ZNF738: variants seen among roughly 807,000 people sequenced by gnomAD.
The protein encoded by ZNF738 is zinc finger protein 738, also known as protein ZNF738.
ZNF738 carries 10 observed loss-of-function variants against 9.2 expected under a neutral mutation model. That is an observed-to-expected ratio of 1.09 (90% CI 0.67 to 1.85). ZNF738 has a LOEUF of 1.85. ZNF738 is among the 40% of genes most tolerant of loss of function. The pLI, the probability that ZNF738 is intolerant of heterozygous loss-of-function variation, is 0.00. For synonymous variants in ZNF738, 113 were observed against 94.5 expected, an observed-to-expected ratio of 1.20 and a Z score of -1.14; for missense variants, 346 against 283.6, an observed-to-expected ratio of 1.22 and a Z score of -1.58.
chr19:21,369,157 A>C (rs759633057), intron 2 of ZNF738, among the ~76,000 whole-genome samples: 5 of 152,322 alleles, frequency 3.3e-5, no homozygotes, highest in Middle Eastern at 3.4e-3. Context: ...GATGGAATGC[A>C]GTGGTGTGAT....
At position 21,386,852 on chromosome 19, in the gene ZNF738, C is replaced by T. The variant is rs759965601; in HGVS notation, c.*3178C>T. Among the ~76,000 whole-genome samples, 5 of 152,066 alleles carry T rather than the reference C, an allele frequency of 3.3e-5. No homozygotes were observed. Among genetic ancestry groups the T allele is most frequent in the Non-Finnish European group, 5.9e-5 (4 of 68,016 alleles). ...CCTCCCGAGTAGCTGGGATTACAGG[C>T]ATGCACCACTATACCCATCTAATTT... On this transcript the variant is annotated 3_prime_UTR_variant, in exon 5 of 5. Coordinates refer to ENST00000683779, the MANE Select transcript of ZNF738 (RefSeq NM_001355237.2).
chr19:21,370,185 T>A (rs924371147), intron 2 of ZNF738, among the ~76,000 whole-genome samples: 10 of 152,334 alleles, frequency 6.6e-5, no homozygotes, highest in Non-Finnish European at 1.2e-4. Flanking sequence ...ACATGATGAG[T>A]AACATTTATT....
At chr19:21,377,512 GCA>G (rs112058265) in intron 4 of ZNF738, 8,365 of 517,550 alleles carry the variant, frequency 0.016, 1 homozygote, top group East Asian at 0.033. Context: ...ACACAGACGT[GCA>G]CACACACACA....
chr19:21,381,853 G>A (rs1599720330), intron 4 of ZNF738: 1 of 277,520 alleles, frequency 3.6e-6, no homozygotes, highest in Non-Finnish European at 7.3e-6. Context: ...GGGTGAGGGC[G>A]GCCTGGGTGG....
Position 21,385,657 on chromosome 19 carries a change from A to G in ZNF738, c.*1983A>G, listed in dbSNP as rs1797610733. ...GTACTCATGCCTTACTGCACATAAG[A>G]TAATTCATACTGGAGAGAAACTCTA... On this transcript the variant is annotated 3_prime_UTR_variant, in exon 5 of 5. Transcript: ENST00000683779. Among the ~76,000 whole-genome samples the G allele has an allele frequency of 6.6e-6, 1 of 152,192 alleles. No individual in the cohort carries two copies. Among genetic ancestry groups the G allele is most frequent in the South Asian group, 2.1e-4 (1 of 4,830 alleles).
rs1443889750 is a variant in ZNF738 at position 21,383,365 on chromosome 19, A to G, written c.819A>G (p.Thr273=). 9 of 1,050,756 alleles carry G rather than the reference A, an allele frequency of 8.6e-6. No homozygotes were observed. In the African/African-American group the frequency reaches 1.4e-4, roughly 17 times the overall value. 65.1% of individuals were successfully genotyped at this position (1,050,756 alleles called of 1,614,324 possible). The change falls in exon 5 of 5, where the codon ACA becomes ACG. Residue 273 remains threonine (T), a synonymous_variant. Coordinates refer to ENST00000683779, the MANE Select transcript of ZNF738 (RefSeq NM_001355237.2). ...GTGGAAAAGGTTTTAACCACTCCAC[A>G]ACTCTTACTAGACATAAGGTAATTC... ...EECGKGFNHS[T]TLTRHKVIHA... is the part of the protein sequence containing the mutation.
In ZNF738 at chr19:21,361,130, G is replaced by GGTTTTTTTGTTT. The variant is rs1973684967; in HGVS notation, c.4-628_4-617dup. 2.0e-5 allele frequency among the ~76,000 whole-genome samples: 3 copies of GGTTTTTTTGTTT among 149,162 alleles called. 1 individual carries two copies. In the South Asian group the frequency reaches 6.4e-4, roughly 32 times the overall value. ...CGCCCTGCATAAATGGTGTTTTGGG[G>GGTTTTTTTGTTT]GTTTTTTTGTTTGTTTTTTGTTTTG... On this transcript the variant is annotated intron_variant, in intron 1 of 4. Transcript: ENST00000683779.
At chr19:21,375,743 C>T in intron 3 of ZNF738, 126 bp from the exon 4 acceptor site, 1 of 487,582 alleles carries the variant, frequency 2.1e-6, no homozygotes, top group East Asian at 3.4e-5. Flanking sequence ...AACTTTCTGT[C>T]ATTAAATAGT....
At chr19:21,368,658 A>G (rs1282604896) in intron 2 of ZNF738, among the ~76,000 whole-genome samples, 4 of 151,700 alleles carry the variant, frequency 2.6e-5, no homozygotes, top group Non-Finnish European at 4.4e-5. Flanking sequence ...GGGTTTCACC[A>G]TGTTGCTCAG....
chr19:21,361,549 T>C (rs918324476), intron 1 of ZNF738, among the ~76,000 whole-genome samples: 1 of 152,260 alleles, frequency 6.6e-6, no homozygotes, highest in African/African-American at 2.4e-5. Context: ...GTGTGTCTTT[T>C]CCTTTTATCT....
chr19:21,361,884 T>A, intron 2 of ZNF738, 26 bp downstream of exon 2: 1 of 764,890 alleles, frequency 1.3e-6, no homozygotes, highest in Non-Finnish European at 2.4e-6. Context: ...GTTAAAATTG[T>A]CTTTGGGACC....
Position 21,383,502 on chromosome 19 carries a change from A to G in ZNF738, c.956A>G (p.Glu319Gly), listed in dbSNP as rs183182806. ...IHAGEKPYKCEGCGKAFCQFS... is the reference protein window; with the variant it reads ...IHAGEKPYKCGGCGKAFCQFS... ...GCTGGAGAGAAACCCTACAAATGTG[A>G]AGGATGTGGCAAAGCTTTCTGCCAA... The change falls in exon 5 of 5, where the codon GAA (glutamate) becomes GGA (glycine). Residue 319 changes from glutamate (E) to glycine (G), a missense_variant. Physicochemically the swap from Glu to Gly is moderately conservative, Grantham distance 98 (BLOSUM62 -2). Coordinates refer to ENST00000683779, the MANE Select transcript of ZNF738 (RefSeq NM_001355237.2). 8,028 of 853,534 alleles carry G rather than the reference A, an allele frequency of 9.4e-3. 64 individuals are homozygous for G. Among genetic ancestry groups the G allele is most frequent in the South Asian group, 0.016 (1,200 of 75,900 alleles). The allele number at this position is 853,534 out of a possible 1,614,324, so 52.9% of individuals were successfully genotyped here. A position where few individuals can be genotyped will look rare whatever the true frequency, so the allele number is the denominator to read the frequency against.
intron 4 of ZNF738, among the ~76,000 whole-genome samples, chr19:21,382,641 T>C (rs927661569): frequency 6.6e-6 from 1 of 152,210 alleles, no homozygotes; most frequent in Admixed American, 6.5e-5. Context: ...TGCATTGTGC[T>C]CACTTGGGGT....
In ZNF738 at chr19:21,383,745, A is replaced by T; in HGVS notation, c.*71A>T. ...ATAATTCATACTGAAGAGAAACCCT[A>T]CAAATGTGAGGAATGTGGCAAAGCT... is the stretch of plus-strand genomic sequence containing the variant. On this transcript the variant is annotated 3_prime_UTR_variant, in exon 5 of 5. Coordinates refer to ENST00000683779, the MANE Select transcript of ZNF738 (RefSeq NM_001355237.2). 2 of 1,112,520 alleles carry T rather than the reference A, an allele frequency of 1.8e-6. No homozygotes were observed. The highest frequency in any genetic ancestry group is 2.7e-6 in the Non-Finnish European group (2 of 733,260). 68.9% of individuals were successfully genotyped at this position (1,112,520 alleles called of 1,614,324 possible). A position where few individuals can be genotyped will look rare whatever the true frequency, so the allele number is the denominator to read the frequency against.
intron 2 of ZNF738, among the ~76,000 whole-genome samples, chr19:21,374,969 A>C (rs1973906326): frequency 6.6e-6 from 1 of 152,214 alleles, no homozygotes; most frequent in Non-Finnish European, 1.5e-5. Flanking sequence ...TAAAAAATAT[A>C]CATGTTTGTG....
intron 4 of ZNF738, among the ~76,000 whole-genome samples, chr19:21,377,082 C>T (rs954987317): frequency 2.6e-5 from 4 of 151,992 alleles, no homozygotes; most frequent in South Asian, 2.1e-4. Flanking sequence ...CCGAGGCGAG[C>T]GGATCATCTG....
intron 1 of ZNF738, among the ~76,000 whole-genome samples, chr19:21,361,132 T>G (rs189434324): frequency 0.013 from 1,868 of 140,352 alleles, 27 homozygotes; most frequent in Non-Finnish European, 0.02. Flanking sequence ...GTTTTGGGGG[T>G]TTTTTTGTTT....
At chr19:21,377,981 T>G in intron 4 of ZNF738, 1 of 396,860 alleles carries the variant, frequency 2.5e-6, no homozygotes, top group South Asian at 1.3e-4. Context: ...TGCTTTTACT[T>G]CTTTCTTATG....
chr19:21,374,245 T>G (rs564691707), intron 2 of ZNF738, among the ~76,000 whole-genome samples: 2 of 151,970 alleles, frequency 1.3e-5, no homozygotes, highest in African/African-American at 4.8e-5. Flanking sequence ...CTCTGAAAGT[T>G]CTGAAAAAAA....
Sources: gnomAD v4.1 joint callset for allele counts (sites outside exome capture counted in the v4.1 genomes callset) on GRCh38, gnomAD v4.1.1 for gene constraint, MANE v1.5 for transcripts, NCBI Gene and HGNC (gene_info 2026-07-23, HGNC 2026-07-21) for gene names.